FAM81A: variants seen among roughly 807,000 people sequenced by gnomAD.
The protein encoded by FAM81A is family with sequence similarity 81 member A.
In FAM81A, 19 loss-of-function variants were observed where a neutral mutation model predicts 46.7. The observed-to-expected ratio is 0.41, with a 90% CI of 0.28 to 0.60. The LOEUF is 0.60. FAM81A is among the 20% of genes least tolerant of loss of function. The probability of loss-of-function intolerance (pLI) is 0.34; values close to 1 mark genes in which losing one functional copy is unlikely to be tolerated. For synonymous variants in FAM81A, 183 were observed against 152.9 expected, an observed-to-expected ratio of 1.20 and a Z score of -1.45; for missense variants, 377 against 453.5, an observed-to-expected ratio of 0.83 and a Z score of 1.53.
intron 8 of FAM81A, among the ~76,000 whole-genome samples, 185 bp from the exon 9 acceptor site, chr15:59,521,068 TG>T (rs2082322991): frequency 6.6e-6 from 1 of 152,172 alleles, no homozygotes; most frequent in South Asian, 2.1e-4. Context: ...TTTTCCTTTT[TG>T]TAATTAAAAA....
intron 3 of FAM81A, among the ~76,000 whole-genome samples, chr15:59,461,489 T>C (rs1432296878): frequency 2.0e-5 from 3 of 152,120 alleles, no homozygotes; most frequent in Non-Finnish European, 4.4e-5. Context: ...CCATCTATAC[T>C]ATAGTATTTT....
chr15:59,445,593 CTGAG>C (rs1456574821), intron 1 of FAM81A: 8 of 152,176 alleles, frequency 5.3e-5, no homozygotes, highest in Admixed American at 5.2e-4. Context: ...CCTCCTCTCT[CTGAG>C]TGTGTGAAAA....
intron 2 of FAM81A, among the ~76,000 whole-genome samples, chr15:59,408,604 G>A (rs554074620): frequency 2.8e-4 from 43 of 152,130 alleles, no homozygotes; most frequent in Non-Finnish European, 5.6e-4. Flanking sequence ...CAAGGCAGGT[G>A]GATTACGAGG....
intron 4 of FAM81A, among the ~76,000 whole-genome samples, chr15:59,502,756 A>G (rs1425750125): frequency 6.6e-6 from 1 of 151,762 alleles, no homozygotes; most frequent in Non-Finnish European, 1.5e-5. Context: ...TCCTGACCCC[A>G]GGTAATCCGC....
intron 6 of FAM81A, among the ~76,000 whole-genome samples, chr15:59,513,276 G>A (rs1187459569): frequency 1.3e-5 from 2 of 152,130 alleles, no homozygotes; most frequent in Non-Finnish European, 2.9e-5. Context: ...GCAATTTGGG[G>A]AACGTTAGAG....
chr15:59,485,690 A>T (rs1353162744), intron 3 of FAM81A, among the ~76,000 whole-genome samples: 2 of 152,248 alleles, frequency 1.3e-5, no homozygotes, highest in African/African-American at 4.8e-5. Flanking sequence ...AACATCCACA[A>T]GCATCAAGAC....
At chr15:59,478,156 T>A (rs1372631224) in intron 3 of FAM81A, among the ~76,000 whole-genome samples, 1 of 152,150 alleles carries the variant, frequency 6.6e-6, no homozygotes, top group East Asian at 1.9e-4. Context: ...TTTTTATGGC[T>A]TTAGCTGTGT....
intron 3 of FAM81A, among the ~76,000 whole-genome samples, chr15:59,477,612 A>G (rs2141700424): frequency 6.6e-6 from 1 of 152,362 alleles, no homozygotes; most frequent in African/African-American, 2.4e-5. Context: ...GTGATCCTCA[A>G]GAGCTAGAAC....
chr15:59,492,925 T>C (rs904321018), intron 4 of FAM81A, among the ~76,000 whole-genome samples: 2 of 152,194 alleles, frequency 1.3e-5, no homozygotes, highest in Non-Finnish European at 1.5e-5. Context: ...ACTACTGAGT[T>C]AGAATCTGCA....
intron 3 of FAM81A, among the ~76,000 whole-genome samples, chr15:59,480,208 A>G (rs909690256): frequency 5.9e-5 from 9 of 152,234 alleles, no homozygotes; most frequent in Non-Finnish European, 1.0e-4. Flanking sequence ...CTGTAGGGGA[A>G]TACTACCTTA....
chr15:59,422,774 C>A (rs867881519), intron 2 of FAM81A, among the ~76,000 whole-genome samples: 1 of 152,072 alleles, frequency 6.6e-6, no homozygotes, highest in Non-Finnish European at 1.5e-5. Flanking sequence ...CATGCCCAGC[C>A]ACCTCTATCT....
intron 8 of FAM81A, among the ~76,000 whole-genome samples, chr15:59,520,487 G>A (rs567492594): frequency 3.3e-5 from 5 of 151,310 alleles, no homozygotes; most frequent in African/African-American, 1.2e-4. Context: ...CAGTTTCTCA[G>A]TGATGTTGAC....
intron 2 of FAM81A, among the ~76,000 whole-genome samples, chr15:59,405,152 A>G (rs116940584): frequency 6.6e-6 from 1 of 152,350 alleles, no homozygotes; most frequent in Non-Finnish European, 1.5e-5. Flanking sequence ...CGCCTCCTGC[A>G]CATCCTTTCC....
intron 2 of FAM81A, among the ~76,000 whole-genome samples, chr15:59,429,779 A>G (rs369616599): frequency 2.0e-5 from 3 of 152,270 alleles, no homozygotes; most frequent in African/African-American, 7.2e-5. Context: ...AGTATCAATT[A>G]GACCTTTATT....
At chr15:59,495,826 T>A (rs1169445003) in intron 4 of FAM81A, among the ~76,000 whole-genome samples, 1 of 152,236 alleles carries the variant, frequency 6.6e-6, no homozygotes, top group Middle Eastern at 3.2e-3. Flanking sequence ...TTTAGGAAAA[T>A]ATTTATTCAG....
intron 1 of FAM81A, 30 bp from the exon 2 acceptor site, chr15:59,458,520 T>A: frequency 6.6e-7 from 1 of 1,525,106 alleles, no homozygotes. Flanking sequence ...TATAAACTGT[T>A]AAATAATTTA....
chr15:59,449,371 C>G (rs2081388066), intron 1 of FAM81A, among the ~76,000 whole-genome samples: 1 of 152,142 alleles, frequency 6.6e-6, no homozygotes, highest in Non-Finnish European at 1.5e-5. Flanking sequence ...TTACCTATTC[C>G]TCTCTATTTC....
rs374376505 is a variant in FAM81A, at chr15:59,467,273, A to G, written c.294+7067A>G. ...TCATTGGTAGCTTGATGGGGATGGC[A>G]TTGAATCTATAAATTACTTTGAGCA... On this transcript the variant is annotated intron_variant, in intron 3 of 8. Coordinates refer to ENST00000288228, the MANE Select transcript of FAM81A (RefSeq NM_152450.3). Among the ~76,000 whole-genome samples the G allele has an allele frequency of 1.1e-4, 16 of 152,262 alleles. No homozygotes were observed. The East Asian group carries it at 1.2e-3, about 11-fold the overall frequency.
In FAM81A at chr15:59,521,571, A is replaced by C. The variant is rs2082328703; in HGVS notation, c.*193A>C. 7.6e-6 allele frequency: 4 copies of C among 525,024 alleles called. No individual in the cohort carries two copies. The highest frequency in any genetic ancestry group is 1.2e-5 in the Non-Finnish European group (4 of 332,886). The allele number at this position is 525,024 out of a possible 1,614,324, so 32.5% of individuals were successfully genotyped here. The stretch of plus-strand genomic sequence containing the variant: ...CTCTTTTGTTAAAAGTATGAAATAC[A>C]GTTTTTACCAGTTTATTTCACTTCT... On this transcript the variant is annotated 3_prime_UTR_variant, in exon 9 of 9. Coordinates refer to ENST00000288228, the MANE Select transcript of FAM81A (RefSeq NM_152450.3).
Sources: allele counts gnomAD v4.1 joint callset (sites outside exome capture counted in the v4.1 genomes callset), GRCh38; gene constraint gnomAD v4.1.1; transcripts MANE v1.5; gene names NCBI Gene and HGNC (gene_info 2026-07-23, HGNC 2026-07-21).